MATR3: variants seen among roughly 807,000 people sequenced by gnomAD.
The protein encoded by MATR3 is matrin-3.
A neutral mutation model predicts 85.5 loss-of-function variants in MATR3; 4 were observed. The ratio of observed to expected loss-of-function variants is 0.05; its 90% confidence interval spans 0.02 to 0.11. The LOEUF is 0.11. MATR3 is among the 10% of genes least tolerant of loss of function. MATR3 has a pLI of 1.00. For synonymous variants in MATR3, 336 were observed against 343.1 expected, an observed-to-expected ratio of 0.98 and a Z score of 0.23; for missense variants, 685 against 1,016.1, an observed-to-expected ratio of 0.67 and a Z score of 4.43.
chr5:139,308,722 T>C (rs1370588720), intron 2 of MATR3, among the ~76,000 whole-genome samples: 1 of 152,258 alleles, frequency 6.6e-6, no homozygotes, highest in Non-Finnish European at 1.5e-5. Flanking sequence ...TCTTGATTGC[T>C]GATTTGTATG....
intron 12 of MATR3, among the ~76,000 whole-genome samples, chr5:139,323,308 T>C (rs1755674435): frequency 6.6e-6 from 1 of 152,020 alleles, no homozygotes; most frequent in Non-Finnish European, 1.5e-5. Context: ...ATACAGGACG[T>C]GAGTTTGCAG....
intron 1 of MATR3, among the ~76,000 whole-genome samples, chr5:139,298,732 T>C (rs1425843708): frequency 6.6e-6 from 1 of 152,176 alleles, no homozygotes; most frequent in Non-Finnish European, 1.5e-5. Flanking sequence ...TGCTTGTGTC[T>C]GTCTTTGTGT....
chr5:139,326,170 C>A lies in MATR3; in HGVS notation c.2379C>A (p.Asp793Glu). 1 of 1,600,626 alleles carries A rather than the reference C, an allele frequency of 6.2e-7. No homozygotes were observed. Among genetic ancestry groups the A allele is most frequent in the Non-Finnish European group, 8.6e-7 (1 of 1,169,222 alleles). ...GTATGTTTGTATTTCTAGGTATAGA[C>A]TATGTGATACCTAAAACAGGGTTTT... The part of the protein sequence containing the change: ...PYQPNVPVGI[D>E]YVIPKTGFYC... The change falls in exon 14 of 15, where the codon GAC becomes GAA. Residue 793 changes from aspartate to glutamate, a missense_variant. By Grantham distance (45) the Asp-to-Glu change is conservative. Transcript: ENST00000394805.
rs148930415 is a variant in MATR3, at chr5:139,277,393, T to C, written c.-257+1243T>C. On this transcript the variant is annotated intron_variant, in intron 2 of 16. Coordinates refer to ENST00000509990, the Ensembl canonical transcript of MATR3. Reference sequence around the variant, plus strand: ...TTTCCACAGGAGGAAATGGGGAGGATGTTGGGGGGCAGGGGAGTTGTTTAT... The same window carrying C: ...TTTCCACAGGAGGAAATGGGGAGGACGTTGGGGGGCAGGGGAGTTGTTTAT... Among the ~76,000 whole-genome samples, 496 of 152,094 alleles carry C rather than the reference T, an allele frequency of 3.3e-3. 5 individuals carry two copies. Among genetic ancestry groups the C allele is most frequent in the African/African-American group, 0.011 (476 of 41,468 alleles).
chr5:139,319,180 A>G, intron 8 of MATR3, 147 bp downstream of exon 8: 1 of 1,240,448 alleles, frequency 8.1e-7, no homozygotes, highest in Non-Finnish European at 1.2e-6. Flanking sequence ...GGTCAGAAGG[A>G]TTATGTGAGG....
At chr5:139,302,368 T>G (rs767188209) in intron 1 of MATR3, among the ~76,000 whole-genome samples, 10 of 152,024 alleles carry the variant, frequency 6.6e-5, no homozygotes, top group Admixed American at 3.3e-4. Flanking sequence ...TGGCTGAAAC[T>G]CTAGGAAAAA....
intron 1 of MATR3, among the ~76,000 whole-genome samples, chr5:139,299,306 T>A (rs138890451): frequency 1.3e-5 from 2 of 152,338 alleles, no homozygotes; most frequent in Non-Finnish European, 2.9e-5. Flanking sequence ...CAGACGTTTC[T>A]GTAAGGTGTT....
In MATR3 at chr5:139,330,891, A is replaced by G. The variant is rs959026934; in HGVS notation, c.*1496A>G. ...TCTGCAACCTCAGCCTTTGGGCTCA[A>G]ATGACCCTCCTACCTCAGTCTCCTG... is the stretch of plus-strand genomic sequence containing the variant. On this transcript the variant is annotated 3_prime_UTR_variant, in exon 15 of 15. Coordinates refer to ENST00000394805, the MANE Select transcript of MATR3 (RefSeq NM_018834.6). 5 of 453,832 alleles carry G rather than the reference A, an allele frequency of 1.1e-5. No individual in the cohort carries two copies. Among genetic ancestry groups the G allele is most frequent in the Non-Finnish European group, 1.8e-5 (4 of 226,738 alleles). The allele number at this position is 453,832 out of a possible 1,614,324, so 28.1% of individuals were successfully genotyped here.
At chr5:139,320,049 C>A (rs1755474061) in intron 9 of MATR3, among the ~76,000 whole-genome samples, 1 of 150,992 alleles carries the variant, frequency 6.6e-6, no homozygotes, top group East Asian at 1.9e-4. Context: ...TGGCTCACGC[C>A]TGTAATCCCA....
At chr5:139,321,019 G>A (rs532594978) in intron 9 of MATR3, among the ~76,000 whole-genome samples, 1 of 151,288 alleles carries the variant, frequency 6.6e-6, no homozygotes, top group South Asian at 2.1e-4. Flanking sequence ...GCCTCCCAAA[G>A]TGCTGGGATT....
intron 1 of MATR3, among the ~76,000 whole-genome samples, chr5:139,275,399 GT>G (rs1383979229): frequency 6.6e-6 from 1 of 151,952 alleles, no homozygotes; most frequent in African/African-American, 2.4e-5. Context: ...TCCAAGTGCT[GT>G]TTTTATTGTC....
At position 139,331,119 on chromosome 5, in the gene MATR3, TC is replaced by T; in HGVS notation, c.*1725del. 1 of 454,016 alleles carries T rather than the reference TC, an allele frequency of 2.2e-6. No homozygotes were observed. The highest frequency in any genetic ancestry group is 1.6e-5 in the South Asian group (1 of 64,476). The allele number at this position is 454,016 out of a possible 1,614,324, so 28.1% of individuals were successfully genotyped here. On this transcript the variant is annotated 3_prime_UTR_variant, in exon 15 of 15. Coordinates refer to ENST00000394805, the MANE Select transcript of MATR3 (RefSeq NM_018834.6). Reference sequence around the variant, plus strand: ...AAACAAAGTTTTAATTTCAAAAAAATCTACAAAAACAGGATAGGCATTGTCT... The same window carrying T: ...AAACAAAGTTTTAATTTCAAAAAAATTACAAAAACAGGATAGGCATTGTCT...
In MATR3 at chr5:139,303,983, A is replaced by G. The variant is rs547734710; in HGVS notation, c.-177-3256A>G. On this transcript the variant is annotated intron_variant, in intron 1 of 14. Transcript: ENST00000394805. ...ATATTTTAGTACTCTAGTTCTTTTA[A>G]TTGGAGAAGAAAAAGCCAATAACAA... Among the ~76,000 whole-genome samples the G allele has an allele frequency of 2.4e-4, 36 of 152,250 alleles. No homozygotes were observed. The South Asian group carries it at 6.2e-3, about 26-fold the overall frequency.
chr5:139,285,867 A>G (rs2151890478), intron 3 of MATR3, among the ~76,000 whole-genome samples: 1 of 151,936 alleles, frequency 6.6e-6, no homozygotes, highest in South Asian at 2.1e-4. Flanking sequence ...GAAATTAGTC[A>G]GAGGAAAAAA....
chr5:139,327,717 G>A (rs968304343), intron 14 of MATR3, among the ~76,000 whole-genome samples: 3 of 152,086 alleles, frequency 2.0e-5, no homozygotes, highest in African/African-American at 4.8e-5. Flanking sequence ...CATAGTGCCC[G>A]CCCTGGTACA....
intron 1 of MATR3, chr5:139,294,012 C>T (rs1210638494): frequency 1.8e-5 from 23 of 1,288,086 alleles, no homozygotes; most frequent in African/African-American, 3.1e-5. Flanking sequence ...CGCAACCAGC[C>T]TTCTAGGGCG....
intron 2 of MATR3, chr5:139,276,178 G>A: frequency 6.6e-6 from 3 of 456,690 alleles, no homozygotes; most frequent in South Asian, 4.6e-5. Context: ...AGCTCTCTTG[G>A]CTCCAGCTGT....
chr5:139,318,122 T>C (rs1561939481), intron 7 of MATR3, among the ~76,000 whole-genome samples: 1 of 152,126 alleles, frequency 6.6e-6, no homozygotes, highest in Non-Finnish European at 1.5e-5. Flanking sequence ...CAACACTGTT[T>C]TTTGGGGTTT....
chr5:139,308,478 G>A (rs1754818294), intron 2 of MATR3, 151 bp downstream of exon 2: 9 of 947,556 alleles, frequency 9.5e-6, no homozygotes, highest in Non-Finnish European at 1.5e-5. Context: ...GAAGGTAATT[G>A]TTTTTGAGCA....
Sources: allele counts gnomAD v4.1 joint callset (sites outside exome capture counted in the v4.1 genomes callset), GRCh38; gene constraint gnomAD v4.1.1; transcripts MANE v1.5; gene names NCBI Gene and HGNC (gene_info 2026-07-23, HGNC 2026-07-21).